CACNA1C: variants seen among roughly 807,000 people sequenced by gnomAD.
CACNA1C encodes calcium voltage-gated channel subunit alpha1 C.
In CACNA1C, 30 loss-of-function variants were observed where a neutral mutation model predicts 229.0. The observed-to-expected ratio is 0.13, with a 90% CI of 0.10 to 0.18. The LOEUF (loss-of-function observed/expected upper bound fraction) is 0.18, where lower values mean the gene tolerates loss of function less well. Ranked by LOEUF, CACNA1C falls within the 10% of genes least tolerant of loss-of-function variation. The pLI is 1.00. For missense variants in CACNA1C, 1,658 were observed against 2,845.0 expected (o/e 0.58, Z 9.49); for synonymous variants, 1,114 against 1,132.5 (o/e 0.98, Z 0.33).
chr12:2,506,890 G>C (rs1258607837), intron 8 of CACNA1C, among the ~76,000 whole-genome samples: 1 of 152,132 alleles, frequency 6.6e-6, no homozygotes, highest in Non-Finnish European at 1.5e-5. Flanking sequence ...GAGAATGAGG[G>C]CTGGGCCCTG....
chr12:2,150,039 G>A (rs975226893), intron 3 of CACNA1C, among the ~76,000 whole-genome samples: 1 of 152,202 alleles, frequency 6.6e-6, no homozygotes, highest in Non-Finnish European at 1.5e-5. Context: ...ACCCAGCATG[G>A]AGACTGGGTA....
intron 3 of CACNA1C, among the ~76,000 whole-genome samples, chr12:2,301,135 G>C (rs1024127696): frequency 1.3e-5 from 2 of 152,150 alleles, no homozygotes; most frequent in African/African-American, 4.8e-5. Context: ...CACTTAGCAC[G>C]GCCCAAGAGC....
intron 3 of CACNA1C, among the ~76,000 whole-genome samples, chr12:2,286,590 G>A (rs962422497): frequency 4.6e-5 from 7 of 152,082 alleles, no homozygotes; most frequent in African/African-American, 1.7e-4. Context: ...AGGTTCATTC[G>A]GGGGCTCTTG....
intron 32 of CACNA1C, among the ~76,000 whole-genome samples, chr12:2,652,625 G>T (rs1010147134): frequency 6.6e-6 from 1 of 152,194 alleles, no homozygotes; most frequent in African/African-American, 2.4e-5. Flanking sequence ...GGCATGCCTG[G>T]GCCTGGTCCA....
chr12:2,288,725 T>G lies in CACNA1C; in HGVS notation c.478-160251T>G, dbSNP rs377667486. On this transcript the variant is annotated intron_variant, in intron 3 of 46. Transcript: ENST00000399655. Reference sequence around the variant, plus strand: ...CAGCTATGAGGAAGAACATACAGATTAATCACCCTGCTGCGGGATGCCAGC... The same window carrying G: ...CAGCTATGAGGAAGAACATACAGATGAATCACCCTGCTGCGGGATGCCAGC... 8 of 152,276 alleles carry G rather than the reference T, an allele frequency of 5.3e-5. No homozygotes were observed. In the South Asian group the frequency reaches 1.5e-3, roughly 28 times the overall value. The allele number at this position is 152,276 out of a possible 1,614,324, so 9.4% of individuals were successfully genotyped here.
chr12:2,162,780 T>C (rs573411086), intron 3 of CACNA1C, among the ~76,000 whole-genome samples: 2 of 152,266 alleles, frequency 1.3e-5, no homozygotes, highest in South Asian at 4.2e-4. Flanking sequence ...CGTTTCCAGA[T>C]TGACATCCAT....
At chr12:2,356,255 C>T (rs987490954) in intron 3 of CACNA1C, among the ~76,000 whole-genome samples, 2 of 152,184 alleles carry the variant, frequency 1.3e-5, no homozygotes, top group African/African-American at 4.8e-5. Context: ...TGAGTGGTTT[C>T]AGACACTTCT....
At chr12:2,577,216 T>G (rs112179357) in intron 13 of CACNA1C, among the ~76,000 whole-genome samples, 7 of 152,264 alleles carry the variant, frequency 4.6e-5, no homozygotes, top group Non-Finnish European at 5.9e-5. Flanking sequence ...TGAGCCATGT[T>G]TTAACTGTGT....
rs2058076217 is a variant in CACNA1C at position 2,575,518 on chromosome 12, C to G, written c.1896-6072C>G. Among the ~76,000 whole-genome samples the G allele has an allele frequency of 6.6e-6, 1 of 152,176 alleles. No individual in the cohort carries two copies. The highest frequency in any genetic ancestry group is 1.5e-5 in the Non-Finnish European group (1 of 68,036). ...TACCTGCTTCCCCAGGTGGCCTCAG[C>G]CAATTCTCACTCCTCTTCACTCCAT... On this transcript the variant is annotated intron_variant, in intron 13 of 46. Transcript: ENST00000399655. This position sits in a 1 kb window ranked among gnomAD's most constrained non-coding sequence, Gnocchi z 4.0.
At position 2,679,690 on chromosome 12, in the gene CACNA1C, C is replaced by T. The variant is rs371760034; in HGVS notation, c.5338C>T (p.Arg1780Cys). Reference protein sequence around the residue: ...ANNTALGRLPRPAGYPSTVST... With the variant: ...ANNTALGRLPCPAGYPSTVST... Reference sequence around the variant, plus strand: ...CAACACCGCCCTGGGTCGCCTCCCTCGCCCCGCCGGCTACCCCAGCACGGT... The same window carrying T: ...CAACACCGCCCTGGGTCGCCTCCCTTGCCCCGCCGGCTACCCCAGCACGGT... The change falls in exon 42 of 47, where the codon CGC (arginine) becomes TGC (cysteine). Residue 1780 changes from arginine (R) to cysteine (C), a missense_variant. By Grantham distance (180) the Arg-to-Cys change is radical. Around this residue, in one of 20 missense-constraint regions of CACNA1C, gnomAD observed 590 missense variants for 700.8 expected, o/e 0.84. Coordinates refer to ENST00000399655, the MANE Select transcript of CACNA1C (RefSeq NM_000719.7). This position sits in a 1 kb window ranked among gnomAD's most constrained non-coding sequence, Gnocchi z 5.5. 31 of 1,612,396 alleles carry T rather than the reference C, an allele frequency of 1.9e-5. No homozygotes were observed. The highest frequency in any genetic ancestry group is 1.7e-4 in the Admixed American group (10 of 59,832).
chr12:2,200,285 C>CCTTCAGCA (rs1199066129), intron 3 of CACNA1C, among the ~76,000 whole-genome samples: 3 of 152,134 alleles, frequency 2.0e-5, no homozygotes, highest in Non-Finnish European at 4.4e-5. Flanking sequence ...AGGGGTAAAT[C>CCTTCAGCA]CTTCAGCAGA....
At chr12:2,098,262 T>C (rs1024433360) in intron 1 of CACNA1C, among the ~76,000 whole-genome samples, 3 of 152,166 alleles carry the variant, frequency 2.0e-5, no homozygotes, top group African/African-American at 7.2e-5. Flanking sequence ...TGCTGTCTGG[T>C]GGGGTTTTGT....
At chr12:2,204,952 TAATTA>T (rs994761215) in intron 3 of CACNA1C, among the ~76,000 whole-genome samples, 2 of 66,390 alleles carry the variant, frequency 3.0e-5, no homozygotes, top group Non-Finnish European at 7.7e-5. Context: ...AAAAATAAAT[TAATTA>T]AAAAAAACAA....
chr12:2,012,789 T>C (rs186561345), intron 1 of CACNA1C, among the ~76,000 whole-genome samples: 43 of 152,288 alleles, frequency 2.8e-4, no homozygotes, highest in African/African-American at 7.0e-4. Context: ...AGACCTCTAG[T>C]AGTTGGGGAA....
intron 13 of CACNA1C, among the ~76,000 whole-genome samples, chr12:2,578,331 G>A (rs931382553): frequency 3.3e-5 from 5 of 152,186 alleles, no homozygotes; most frequent in African/African-American, 9.6e-5. Context: ...AGGAGTTGGA[G>A]AAAGTGAGGG....
intron 5 of CACNA1C, among the ~76,000 whole-genome samples, chr12:2,472,600 C>CCA (rs1555636426): frequency 6.6e-6 from 1 of 151,724 alleles, no homozygotes; most frequent in Non-Finnish European, 1.5e-5. Flanking sequence ...AGCACTCTCT[C>CCA]TATATATATA....
intron 3 of CACNA1C, among the ~76,000 whole-genome samples, chr12:2,376,276 G>A (rs948392804): frequency 3.3e-5 from 5 of 152,248 alleles, no homozygotes; most frequent in African/African-American, 1.2e-4. Context: ...CTCCTGTGTG[G>A]CTTTGGGCAA....
At chr12:2,384,042 C>T (rs1367514784) in intron 3 of CACNA1C, among the ~76,000 whole-genome samples, 1 of 152,230 alleles carries the variant, frequency 6.6e-6, no homozygotes, top group African/African-American at 2.4e-5. Context: ...AGAACCTCAT[C>T]TGAACCTCAG....
At chr12:2,349,831 C>T (rs749523879) in intron 3 of CACNA1C, among the ~76,000 whole-genome samples, 11 of 152,080 alleles carry the variant, frequency 7.2e-5, no homozygotes, top group Non-Finnish European at 1.5e-4. Flanking sequence ...AAGGGGCTCT[C>T]CATGTACTAG....
Sources: gnomAD v4.1 joint callset for allele counts (sites outside exome capture counted in the v4.1 genomes callset) on GRCh38, gnomAD v4.1.1 for gene constraint, gnomAD v4.1.1 regional missense constraint, Gnocchi (gnomAD v3.1) non-coding constraint, MANE v1.5 for transcripts, NCBI Gene and HGNC (gene_info 2026-07-23, HGNC 2026-07-21) for gene names.